CSMD1: variants seen among roughly 807,000 people sequenced by gnomAD.
CSMD1 encodes CUB and Sushi multiple domains 1, also known as CUB and sushi domain-containing protein 1.
CSMD1 carries 213 observed loss-of-function variants against 417.5 expected under a neutral mutation model. That is an observed-to-expected ratio of 0.51 (90% CI 0.46 to 0.57). The LOEUF (loss-of-function observed/expected upper bound fraction) is 0.57, where lower values mean the gene tolerates loss of function less well. CSMD1 is among the 20% of genes least tolerant of loss of function. The pLI, the probability that CSMD1 is intolerant of heterozygous loss-of-function variation, is 0.00. For synonymous variants in CSMD1, 2,862 were observed against 1,736.8 expected, an observed-to-expected ratio of 1.65 and a Z score of -16.11; for missense variants, 6,923 against 4,529.7, an observed-to-expected ratio of 1.53 and a Z score of -15.17.
intron 12 of CSMD1, among the ~76,000 whole-genome samples, chr8:3,412,187 C>CGT (rs1563362743): frequency 1.4e-5 from 2 of 141,488 alleles, no homozygotes; most frequent in East Asian, 2.5e-4. Context: ...TATATACACA[C>CGT]ATATACATAC....
At chr8:4,449,878 A>T (rs1563187206) in intron 2 of CSMD1, among the ~76,000 whole-genome samples, 1 of 152,286 alleles carries the variant, frequency 6.6e-6, no homozygotes, top group South Asian at 2.1e-4. Context: ...TTTACTTAGC[A>T]ATCTCAACCT....
intron 12 of CSMD1, among the ~76,000 whole-genome samples, chr8:3,423,358 AACC>A (rs779724075): frequency 1.1e-4 from 17 of 152,288 alleles, no homozygotes; most frequent in Non-Finnish European, 2.1e-4. Context: ...TGCTCCTGGC[AACC>A]AGTGATCTGA....
intron 10 of CSMD1, among the ~76,000 whole-genome samples, chr8:3,508,825 A>C (rs541608619): frequency 1.3e-5 from 2 of 152,344 alleles, no homozygotes; most frequent in East Asian, 3.9e-4. Flanking sequence ...GGAAAGAGAC[A>C]CATCAGCTGT....
In CSMD1 at chr8:3,975,248, A is replaced by G. The variant is rs558596753; in HGVS notation, c.818+22655T>C. ...GGTTTATGCCATTACTTGCTTCGTTATTTATCAGTATGAGAGCTTGGGGTT... is the reference window on the plus strand; with the variant it reads ...GGTTTATGCCATTACTTGCTTCGTTGTTTATCAGTATGAGAGCTTGGGGTT... On this transcript the variant is annotated intron_variant, in intron 5 of 69. Transcript: ENST00000635120. Among the ~76,000 whole-genome samples the G allele has an allele frequency of 2.0e-5, 3 of 152,236 alleles. No homozygotes were observed. In the South Asian group the frequency reaches 6.2e-4, roughly 32 times the overall value.
intron 1 of CSMD1, among the ~76,000 whole-genome samples, chr8:4,696,061 G>A (rs1807109552): frequency 6.6e-6 from 1 of 152,094 alleles, no homozygotes; most frequent in African/African-American, 2.4e-5. Flanking sequence ...TTATAAACAT[G>A]GATTTTAACG....
chr8:4,805,809 C>A (rs1467852255), intron 1 of CSMD1, among the ~76,000 whole-genome samples: 1 of 152,030 alleles, frequency 6.6e-6, no homozygotes, highest in African/African-American at 2.4e-5. Context: ...GAAATGTGGT[C>A]CTGGAACATG....
At chr8:4,413,866 C>T (rs902328482) in intron 3 of CSMD1, among the ~76,000 whole-genome samples, 8 of 152,142 alleles carry the variant, frequency 5.3e-5, no homozygotes, top group Non-Finnish European at 1.0e-4. Context: ...AATGTGTTTA[C>T]AGGAAGGATA....
intron 4 of CSMD1, among the ~76,000 whole-genome samples, chr8:4,024,559 G>C (rs895480446): frequency 4.6e-5 from 7 of 152,154 alleles, no homozygotes; most frequent in Non-Finnish European, 8.8e-5. Flanking sequence ...TGAGACTTTA[G>C]TTTTTCACCC....
chr8:4,213,761 G>A (rs780177771), intron 3 of CSMD1, among the ~76,000 whole-genome samples: 8 of 152,122 alleles, frequency 5.3e-5, no homozygotes, highest in Non-Finnish European at 1.0e-4. Flanking sequence ...GCTGAGATGG[G>A]GTTCCCTGCC....
Position 2,965,910 on chromosome 8 carries a change from A to C in CSMD1, c.9145T>G (p.Phe3049Val). 6.2e-7 allele frequency: 1 copy of C among 1,610,248 alleles called. No individual in the cohort carries two copies. The highest frequency in any genetic ancestry group is 8.5e-7 in the Non-Finnish European group (1 of 1,178,334). ...DPGTLANGIQ[F>V]GTDFTFNKTV... ...TTGTTGAAGGTGAAGTCGGTCCCAA[A>C]CTGGATGCCATTTGCTAGTGTGCCT... Residue 3049 changes from phenylalanine to valine, a missense_variant, in exon 59 of 70, where the codon TTT (phenylalanine) becomes GTT (valine). Transcript: ENST00000635120.
chr8:4,032,580 C>G (rs532198595), intron 3 of CSMD1, among the ~76,000 whole-genome samples: 15 of 152,268 alleles, frequency 9.9e-5, no homozygotes, highest in African/African-American at 3.6e-4. Context: ...TTACCCAACG[C>G]TCAATCAACA....
chr8:3,003,079 C>G (rs934701309), intron 52 of CSMD1, among the ~76,000 whole-genome samples: 1 of 152,180 alleles, frequency 6.6e-6, no homozygotes, highest in Non-Finnish European at 1.5e-5. Context: ...TTCCAGCCAT[C>G]CGTTAATTCT....
rs1036986529 is a variant in CSMD1, at chr8:4,779,894, C to CTTTTTCT, written c.86-142343_86-142337dup. On this transcript the variant is annotated intron_variant, in intron 1 of 69. Coordinates refer to ENST00000635120, the MANE Select transcript of CSMD1 (RefSeq NM_033225.6). ...CCAGGCTTGCTGCTTCGGGGCCTTG[C>CTTTTTCT]TTTTTCTTTTTTCTTTTTTTTTTTC... Among the ~76,000 whole-genome samples the CTTTTTCT allele has an allele frequency of 6.6e-5, 10 of 152,002 alleles. No individual in the cohort carries two copies. In the South Asian group the frequency reaches 1.9e-3, roughly 28 times the overall value.
intron 10 of CSMD1, among the ~76,000 whole-genome samples, chr8:3,550,302 TC>T (rs1050696607): frequency 2.6e-5 from 4 of 152,084 alleles, no homozygotes; most frequent in African/African-American, 9.7e-5. Context: ...CTCCAATAAT[TC>T]CCACCTTTTT....
intron 12 of CSMD1, among the ~76,000 whole-genome samples, chr8:3,419,925 T>C (rs1394894617): frequency 2.0e-5 from 3 of 152,128 alleles, no homozygotes; most frequent in African/African-American, 7.2e-5. Context: ...ACATCAATTA[T>C]CTGTGTGACT....
chr8:3,569,297 G>A (rs1452017788), intron 10 of CSMD1, among the ~76,000 whole-genome samples: 2 of 152,130 alleles, frequency 1.3e-5, no homozygotes, highest in East Asian at 3.9e-4. Flanking sequence ...TGCATTATTA[G>A]GGAGATGCTA....
intron 5 of CSMD1, among the ~76,000 whole-genome samples, chr8:3,868,438 G>T (rs1337671591): frequency 6.6e-6 from 1 of 152,138 alleles, no homozygotes; most frequent in African/African-American, 2.4e-5. Flanking sequence ...GCAGCTGTAA[G>T]CCGATCCCAT....
intron 3 of CSMD1, among the ~76,000 whole-genome samples, chr8:4,288,059 G>C (rs901445345): frequency 2.0e-5 from 3 of 152,112 alleles, no homozygotes; most frequent in Admixed American, 2.0e-4. Flanking sequence ...AAACAAGGAG[G>C]ATATAAAACT....
Position 4,113,174 on chromosome 8 carries a change from C to A in CSMD1, c.416-81075G>T, listed in dbSNP as rs115951959. Among the ~76,000 whole-genome samples, 745 of 152,120 alleles carry A rather than the reference C, an allele frequency of 4.9e-3. 6 individuals carry two copies. Among genetic ancestry groups the A allele is most frequent in the African/African-American group, 0.017 (714 of 41,498 alleles). ...TCTCCCTCCTCGGGCCTTCCTAGCC[C>A]CAGAGACACAACAATATTGAAATTC... On this transcript the variant is annotated intron_variant, in intron 3 of 69. Coordinates refer to ENST00000635120, the MANE Select transcript of CSMD1 (RefSeq NM_033225.6).
Sources: gnomAD v4.1 joint callset for allele counts (sites outside exome capture counted in the v4.1 genomes callset) on GRCh38, gnomAD v4.1.1 for gene constraint, MANE v1.5 for transcripts, NCBI Gene and HGNC (gene_info 2026-07-23, HGNC 2026-07-21) for gene names.